The following MSH4 variants were observed in gnomAD, a reference collection of about 807,000 sequenced individuals.
MSH4 encodes mutS homolog 4.
MSH4 carries 106 observed loss-of-function variants against 113.7 expected under a neutral mutation model. The ratio of observed to expected loss-of-function variants is 0.93; its 90% CI spans 0.80 to 1.10. The LOEUF (loss-of-function observed/expected upper bound fraction) is 1.10. Among genes scored for constraint, MSH4 ranks in the 50% least tolerant of loss-of-function variants. The pLI is 0.00. For synonymous variants in MSH4, 368 were observed against 380.2 expected, an observed-to-expected ratio of 0.97 and a Z score of 0.37; for missense variants, 1,061 against 1,093.7, an observed-to-expected ratio of 0.97 and a Z score of 0.42.
At chr1:75,826,536 C>G (rs982818511) in intron 7 of MSH4, among the ~76,000 whole-genome samples, 1 of 152,078 alleles carries the variant, frequency 6.6e-6, no homozygotes, top group Non-Finnish European at 1.5e-5. Flanking sequence ...TTCTCTAATT[C>G]TTTTAATTGT....
chr1:75,912,850 C>T lies in MSH4; in HGVS notation c.2774C>T (p.Pro925Leu). The stretch of plus-strand genomic sequence containing the variant: ...AAGAAGAAGTACAAAGAAGATTTTC[C>T]CAGGACTGAACAAGTTCCAGAAAAG... ...NLKKKYKEDF[P>L]RTEQVPEKTE... Residue 925 changes from proline (P) to leucine (L), a missense_variant, in exon 20 of 20, where the codon CCC becomes CTC. Physicochemically the swap from Pro to Leu is moderately conservative, Grantham distance 98 (BLOSUM62 -3). Coordinates refer to ENST00000263187, the MANE Select transcript of MSH4 (RefSeq NM_002440.4). 9 of 1,560,748 alleles carry T rather than the reference C, an allele frequency of 5.8e-6. No homozygotes were observed. The highest frequency in any genetic ancestry group is 7.8e-6 in the Non-Finnish European group (9 of 1,155,054).
intron 5 of MSH4, among the ~76,000 whole-genome samples, 199 bp from the exon 6 acceptor site, chr1:75,816,161 AACTTGAAATTAAT>A (rs1189039257): frequency 6.6e-6 from 1 of 152,242 alleles, no homozygotes; most frequent in Non-Finnish European, 1.5e-5. Flanking sequence ...GTCAGACTTG[AACTTGAAATTAAT>A]ACTTGAAATT....
Position 75,912,713 on chromosome 1 carries a change from C to A in MSH4, c.2637C>A (p.Thr879=). 6.5e-7 allele frequency: 1 copy of A among 1,539,146 alleles called. No homozygotes were observed. The highest frequency in any genetic ancestry group is 8.7e-7 in the Non-Finnish European group (1 of 1,150,490). The change falls in exon 20 of 20, where the codon ACC becomes ACA. Residue 879 remains threonine (T), a synonymous_variant. Transcript: ENST00000263187. ...TRQILQNQRS[T]PEMERQRAVY... is the part of the protein sequence containing the mutation. ...AATGACAGCAAAACCAAAGGAGTACCCCTGAGATGGAAAGACAGAGAGCTG... is the reference window on the plus strand; with the variant it reads ...AATGACAGCAAAACCAAAGGAGTACACCTGAGATGGAAAGACAGAGAGCTG...
At chr1:75,813,445 A>G (rs1406117115) in intron 4 of MSH4, among the ~76,000 whole-genome samples, 2 of 152,158 alleles carry the variant, frequency 1.3e-5, no homozygotes, top group East Asian at 1.9e-4. Flanking sequence ...TCTTGACTCT[A>G]CGTGACCTAC....
chr1:75,798,805 A>G (rs2100497770), intron 1 of MSH4, among the ~76,000 whole-genome samples: 1 of 151,950 alleles, frequency 6.6e-6, no homozygotes. Flanking sequence ...CGATCCTCCT[A>G]CCTCAGCCTC....
chr1:75,842,425 G>A (rs897664450), intron 7 of MSH4, among the ~76,000 whole-genome samples: 11 of 152,146 alleles, frequency 7.2e-5, no homozygotes, highest in African/African-American at 1.7e-4. Flanking sequence ...GAAAGAGACC[G>A]AGGACAGGAG....
At chr1:75,865,090 C>T (rs1651535118) in intron 8 of MSH4, among the ~76,000 whole-genome samples, 1 of 152,046 alleles carries the variant, frequency 6.6e-6, no homozygotes, top group Admixed American at 6.6e-5. Context: ...AAATTGGTTA[C>T]TTGATCATTA....
intron 4 of MSH4, 76 bp from the exon 5 acceptor site, chr1:75,814,945 C>A: frequency 1.4e-6 from 1 of 738,378 alleles, no homozygotes; most frequent in Non-Finnish European, 2.4e-6. Flanking sequence ...ACTTACCTAG[C>A]ATGTGTTTAA....
intron 7 of MSH4, among the ~76,000 whole-genome samples, chr1:75,824,866 A>G (rs1650510185): frequency 6.9e-6 from 1 of 144,990 alleles, no homozygotes; most frequent in Non-Finnish European, 1.5e-5. Context: ...GTAGCCTTGT[A>G]GTAGTTTGAA....
At chr1:75,873,583 C>T (rs770751865) in intron 9 of MSH4, among the ~76,000 whole-genome samples, 4 of 151,826 alleles carry the variant, frequency 2.6e-5, no homozygotes, top group African/African-American at 4.8e-5. Context: ...CTCAAGCAAA[C>T]GCCAGTATCT....
intron 7 of MSH4, among the ~76,000 whole-genome samples, chr1:75,846,663 A>G (rs77758842): frequency 6.6e-6 from 1 of 152,230 alleles, no homozygotes; most frequent in African/African-American, 2.4e-5. Flanking sequence ...TGTTCTGATC[A>G]TGACCACTTA....
intron 9 of MSH4, among the ~76,000 whole-genome samples, chr1:75,873,968 C>A (rs1332859979): frequency 6.6e-6 from 1 of 152,160 alleles, no homozygotes; most frequent in Non-Finnish European, 1.5e-5. Flanking sequence ...AATGGTATCT[C>A]TGTTTTCAGC....
chr1:75,826,394 A>G (rs576492830), intron 7 of MSH4, among the ~76,000 whole-genome samples: 1 of 151,888 alleles, frequency 6.6e-6, no homozygotes, highest in African/African-American at 2.4e-5. Flanking sequence ...TATTTTGTTA[A>G]TCTTTTCAAA....
chr1:75,813,328 G>A lies in MSH4; in HGVS notation c.700-1693G>A, dbSNP rs1171097084. On this transcript the variant is annotated intron_variant, in intron 4 of 19. Coordinates refer to ENST00000263187, the MANE Select transcript of MSH4 (RefSeq NM_002440.4). ...CCTTCCAGAATCACATGGAATGGGGGATAAGTCCTCCAAAGGCAAAAACAA... is the reference window on the plus strand; with the variant it reads ...CCTTCCAGAATCACATGGAATGGGGAATAAGTCCTCCAAAGGCAAAAACAA... 3.6e-4 allele frequency among the ~76,000 whole-genome samples: 55 copies of A among 152,146 alleles called. 1 individual carries two copies. The highest frequency in any genetic ancestry group is 1.5e-5 in the Non-Finnish European group (1 of 68,026).
intron 8 of MSH4, among the ~76,000 whole-genome samples, chr1:75,866,969 G>A (rs2100560840): frequency 6.6e-6 from 1 of 152,218 alleles, no homozygotes; most frequent in South Asian, 2.1e-4. Flanking sequence ...CAATTCTAGA[G>A]TGCAATTTAA....
Position 75,913,000 on chromosome 1 carries a change from CATTAT to C in MSH4, c.*118_*122del, listed in dbSNP as rs1652822311. The C allele has an allele frequency of 7.3e-6, 4 of 544,412 alleles. No homozygotes were observed. The highest frequency in any genetic ancestry group is 4.3e-5 in the Admixed American group (1 of 23,528). The allele number at this position is 544,412 out of a possible 1,614,324, so 33.7% of individuals were successfully genotyped here. Reference sequence around the variant, plus strand: ...AATTTCATATTTTAATTGAAAATTACATTATATTAACATCACAATTGTCATCTATA... The same window carrying C: ...AATTTCATATTTTAATTGAAAATTACATTAACATCACAATTGTCATCTATA... On this transcript the variant is annotated 3_prime_UTR_variant, in exon 20 of 20. Transcript: ENST00000263187.
chr1:75,835,005 G>A (rs1650798003), intron 7 of MSH4, among the ~76,000 whole-genome samples: 1 of 152,208 alleles, frequency 6.6e-6, no homozygotes, highest in African/African-American at 2.4e-5. Flanking sequence ...GCATGGTGGT[G>A]CAGTTTTATT....
chr1:75,835,448 A>T (rs1650807363), intron 7 of MSH4, among the ~76,000 whole-genome samples: 1 of 152,214 alleles, frequency 6.6e-6, no homozygotes, highest in Non-Finnish European at 1.5e-5. Flanking sequence ...GAATATGAAA[A>T]GTCATTTAAT....
chr1:75,796,931 C>T lies in MSH4; in HGVS notation c.-55C>T, dbSNP rs1649822129. On this transcript the variant is annotated 5_prime_UTR_variant, in exon 1 of 20. Coordinates refer to ENST00000263187, the MANE Select transcript of MSH4 (RefSeq NM_002440.4). ...CGGCGCAGCTTCTGTAGTTGGGCTA[C>T]TGGAGGGGTCGCTCAGAAACCTCAT... The T allele has an allele frequency of 2.5e-6, 4 of 1,604,830 alleles. No individual in the cohort carries two copies. In the South Asian group the frequency reaches 4.4e-5, roughly 18 times the overall value.
Sources: gnomAD v4.1 joint callset for allele counts (sites outside exome capture counted in the v4.1 genomes callset) on GRCh38, gnomAD v4.1.1 for gene constraint, MANE v1.5 for transcripts, NCBI Gene and HGNC (gene_info 2026-07-23, HGNC 2026-07-21) for gene names.